Variants in SLC2A13 observed in about 807,000 individuals in gnomAD.
SLC2A13 encodes proton myo-inositol cotransporter.
A neutral mutation model predicts 64.4 loss-of-function variants in SLC2A13; 32 were observed. That is an observed-to-expected ratio of 0.50 (90% confidence interval 0.37 to 0.67). The LOEUF (loss-of-function observed/expected upper bound fraction) is 0.67. Among genes scored for constraint, SLC2A13 ranks in the 30% least tolerant of loss-of-function variants. The pLI is 0.00. For missense variants in SLC2A13, 743 were observed against 829.2 expected, an observed-to-expected ratio of 0.90 and a Z score of 1.28; for synonymous variants, 338 against 327.1, an observed-to-expected ratio of 1.03 and a Z score of -0.36.
At chr12:39,952,344 A>G (rs1168900489) in intron 3 of SLC2A13, among the ~76,000 whole-genome samples, 2 of 152,186 alleles carry the variant, frequency 1.3e-5, no homozygotes, top group African/African-American at 4.8e-5. Flanking sequence ...GGATCACTGC[A>G]ATGCTAACTG....
intron 7 of SLC2A13, among the ~76,000 whole-genome samples, chr12:39,815,028 C>G (rs1278873914): frequency 1.3e-5 from 2 of 151,084 alleles, no homozygotes; most frequent in Non-Finnish European, 2.9e-5. Context: ...TAAGCAAGAT[C>G]TAGTGTTATT....
intron 4 of SLC2A13, among the ~76,000 whole-genome samples, chr12:39,923,150 GA>G (rs1434504999): frequency 2.0e-5 from 3 of 151,902 alleles, no homozygotes; most frequent in South Asian, 2.1e-4. Flanking sequence ...AAAATTGGAA[GA>G]AAAAAATGAA....
intron 6 of SLC2A13, 121 bp downstream of exon 6, chr12:39,864,641 T>C: frequency 7.5e-7 from 1 of 1,341,418 alleles, no homozygotes; most frequent in Non-Finnish European, 1.0e-6. Context: ...TTTCTTCCCT[T>C]CTTACATAAG....
At chr12:39,884,920 T>G (rs1256632391) in intron 4 of SLC2A13, among the ~76,000 whole-genome samples, 1 of 152,140 alleles carries the variant, frequency 6.6e-6, no homozygotes, top group Non-Finnish European at 1.5e-5. Context: ...TGGGGAGAAC[T>G]GGAAAGAACC....
At chr12:40,089,373 C>CA (rs1314885259) in intron 1 of SLC2A13, among the ~76,000 whole-genome samples, 2 of 151,946 alleles carry the variant, frequency 1.3e-5, no homozygotes, top group African/African-American at 4.8e-5. Flanking sequence ...ATAGAAGTTA[C>CA]AAAAAAAGAG....
intron 6 of SLC2A13, among the ~76,000 whole-genome samples, chr12:39,834,053 C>A (rs1488321902): frequency 6.6e-6 from 1 of 151,896 alleles, no homozygotes; most frequent in Non-Finnish European, 1.5e-5. Context: ...TAGATCGTAC[C>A]CTTTTGTTCT....
chr12:39,929,351 G>C (rs2136068893), intron 4 of SLC2A13, among the ~76,000 whole-genome samples: 1 of 152,124 alleles, frequency 6.6e-6, no homozygotes, highest in Non-Finnish European at 1.5e-5. Context: ...AGGAGTTCGA[G>C]ACTAGCCTGG....
At chr12:40,092,996 A>C (rs1938817047) in intron 1 of SLC2A13, among the ~76,000 whole-genome samples, 1 of 152,244 alleles carries the variant, frequency 6.6e-6, no homozygotes, top group Non-Finnish European at 1.5e-5. Flanking sequence ...TATCCCACGT[A>C]ATAAGTTTGC....
chr12:40,083,451 CCA>C (rs1938481076), intron 1 of SLC2A13, among the ~76,000 whole-genome samples: 2 of 152,276 alleles, frequency 1.3e-5, no homozygotes, highest in South Asian at 4.1e-4. Flanking sequence ...TGATTCCCTC[CCA>C]CACTCTCTAG....
At chr12:39,812,446 CTCTT>C (rs374842901) in intron 7 of SLC2A13, among the ~76,000 whole-genome samples, 13 of 143,278 alleles carry the variant, frequency 9.1e-5, no homozygotes, top group South Asian at 4.4e-4. Flanking sequence ...TTTCTTTCTT[CTCTT>C]TCTTTCTTTC....
In SLC2A13 at chr12:39,812,996, A is replaced by AT. The variant is rs71449493; in HGVS notation, c.1445+17106dup. On this transcript the variant is annotated intron_variant, in intron 7 of 9. Coordinates refer to ENST00000280871, the MANE Select transcript of SLC2A13 (RefSeq NM_052885.4). ...AGGCGCCTGACATCATGCCCAGCTAATTTTTTTTTTTTTTTTTTTTTTTTT... is the reference window on the plus strand; with the variant it reads ...AGGCGCCTGACATCATGCCCAGCTAATTTTTTTTTTTTTTTTTTTTTTTTTT... 8.1e-4 allele frequency among the ~76,000 whole-genome samples: 33 copies of AT among 40,614 alleles called. 7 individuals carry two copies. Among genetic ancestry groups the AT allele is most frequent in the African/African-American group, 2.5e-3 (27 of 10,816 alleles). The allele number at this position is 40,614 out of a possible 152,430, so 26.6% of individuals were successfully genotyped here. A position where few individuals can be genotyped will look rare whatever the true frequency, so the allele number is the denominator to read the frequency against.
chr12:39,943,667 C>A (rs556345853), intron 4 of SLC2A13, among the ~76,000 whole-genome samples: 62 of 152,350 alleles, frequency 4.1e-4, no homozygotes, highest in African/African-American at 1.5e-3. Context: ...GAATTTCAAG[C>A]CAGTGGATCT....
chr12:40,105,563 G>A lies in SLC2A13; in HGVS notation c.246C>T (p.Tyr82=), dbSNP rs904622952. 17 of 1,574,740 alleles carry A rather than the reference G, an allele frequency of 1.1e-5. No homozygotes were observed. The highest frequency in any genetic ancestry group is 1.5e-5 in the Non-Finnish European group (17 of 1,163,330). ...CCAGCGCGGAGAAGACGGCCACCAC[G>A]TACACGAAGGCGGGGGTCTCGTCCT... ...FQQDETPAFV[Y]VVAVFSALGG... The change falls in exon 1 of 10, where the codon TAC becomes TAT. Residue 82 remains tyrosine, a synonymous_variant. Coordinates refer to ENST00000280871, the MANE Select transcript of SLC2A13 (RefSeq NM_052885.4). This position sits in a 1 kb window ranked among gnomAD's most constrained non-coding sequence, Gnocchi z 4.2.
At chr12:40,049,016 T>C (rs942166877) in intron 1 of SLC2A13, among the ~76,000 whole-genome samples, 11 of 152,290 alleles carry the variant, frequency 7.2e-5, no homozygotes, top group South Asian at 2.1e-4. Flanking sequence ...TAAAGTTGTA[T>C]AGTACAGAAC....
intron 4 of SLC2A13, among the ~76,000 whole-genome samples, chr12:39,905,312 T>C (rs1207175382): frequency 6.6e-6 from 1 of 152,116 alleles, no homozygotes; most frequent in Admixed American, 6.6e-5. Context: ...AGATCCCAGA[T>C]GTAATCTGCT....
At chr12:40,018,756 C>A (rs968217879) in intron 3 of SLC2A13, among the ~76,000 whole-genome samples, 9 of 152,072 alleles carry the variant, frequency 5.9e-5, no homozygotes, top group Non-Finnish European at 1.3e-4. Flanking sequence ...TTGGGGTAAA[C>A]AGGGAAGGTC....
intron 7 of SLC2A13, among the ~76,000 whole-genome samples, chr12:39,807,819 T>C (rs1942025655): frequency 6.6e-6 from 1 of 152,114 alleles, no homozygotes; most frequent in Non-Finnish European, 1.5e-5. Context: ...TAAGCCAACT[T>C]TTAATAATCG....
intron 4 of SLC2A13, among the ~76,000 whole-genome samples, chr12:39,873,014 TG>T (rs1476741855): frequency 6.6e-6 from 1 of 152,228 alleles, no homozygotes; most frequent in East Asian, 1.9e-4. Context: ...AAATCAAATC[TG>T]TTTTGAATAC....
At chr12:40,101,831 T>A (rs1469375455) in intron 1 of SLC2A13, among the ~76,000 whole-genome samples, 2 of 151,532 alleles carry the variant, frequency 1.3e-5, no homozygotes, top group African/African-American at 2.4e-5. Flanking sequence ...TGTTTGTTTT[T>A]TTTTTTTAAT....
Sources: allele counts gnomAD v4.1 joint callset (sites outside exome capture counted in the v4.1 genomes callset), GRCh38; gene constraint gnomAD v4.1.1; non-coding constraint Gnocchi (gnomAD v3.1); transcripts MANE v1.5; gene names NCBI Gene and HGNC (gene_info 2026-07-23, HGNC 2026-07-21).